SERPINA10: variants seen among roughly 807,000 people sequenced by gnomAD.
The protein encoded by SERPINA10 is serpin family A member 10.
Under a neutral mutation model 28.0 loss-of-function variants are expected in SERPINA10, and 24 were observed. The ratio of observed to expected loss-of-function variants is 0.86; its 90% CI spans 0.62 to 1.20. The LOEUF is 1.20. Ranked by LOEUF, SERPINA10 falls within the 50% of genes most tolerant of loss-of-function variation. SERPINA10 has a pLI of 0.00. For synonymous variants in SERPINA10, 207 were observed against 203.9 expected (o/e 1.02, Z -0.13); for missense variants, 521 against 537.7 (o/e 0.97, Z 0.31).
At chr14:94,292,599 T>C (rs1422267788) in intron 1 of SERPINA10, 2 of 701,492 alleles carry the variant, frequency 2.9e-6, no homozygotes, top group African/African-American at 1.8e-5. Flanking sequence ...CTCCAAATGC[T>C]GAGTCTTACC....
rs1432584691 is a variant in SERPINA10, at chr14:94,293,222, C to T, written c.-84G>A. On this transcript the variant is annotated 5_prime_UTR_variant, in exon 1 of 5. It removes an upstream start codon present in the reference 5' UTR. Coordinates refer to ENST00000261994, the MANE Select transcript of SERPINA10 (RefSeq NM_001100607.3). ...GGCCTTGGGTCCTGGAAAAGTCCTT[C>T]ATTTAGAGCAGAAACCAAAGCTTCA... The T allele has an allele frequency of 2.0e-5, 3 of 153,046 alleles. No individual in the cohort carries two copies. The highest frequency in any genetic ancestry group is 7.2e-5 in the African/African-American group (3 of 41,450). 9.5% of individuals were successfully genotyped at this position (153,046 alleles called of 1,614,324 possible).
rs932010990 is a variant in SERPINA10, at chr14:94,281,098, G to A, written c.*2867C>T. The A allele has an allele frequency of 6.6e-6, 1 of 152,180 alleles. No homozygotes were observed. 9.4% of individuals were successfully genotyped at this position (152,180 alleles called of 1,614,324 possible). ...TTCTCAGTTGTTACAGCATATATAT[G>A]TGAGAACGTGTGGTTGAGTGTGTCT... On this transcript the variant is annotated 3_prime_UTR_variant, in exon 5 of 5. Coordinates refer to ENST00000261994, the MANE Select transcript of SERPINA10 (RefSeq NM_001100607.3).
At chr14:94,288,635 G>A in intron 2 of SERPINA10, 76 bp from the exon 3 acceptor site, 1 of 1,569,964 alleles carries the variant, frequency 6.4e-7, no homozygotes, top group East Asian at 2.2e-5. Flanking sequence ...ATAATAGAGA[G>A]GGAGCCTTCT....
Position 94,280,503 on chromosome 14 carries a change from GAT to G in SERPINA10, c.*3460_*3461del, listed in dbSNP as rs1220372325. The G allele has an allele frequency of 6.6e-6, 1 of 152,182 alleles. No homozygotes were observed. Among genetic ancestry groups the G allele is most frequent in the East Asian group, 1.9e-4 (1 of 5,208 alleles). 9.4% of individuals were successfully genotyped at this position (152,182 alleles called of 1,614,324 possible). The stretch of plus-strand genomic sequence containing the variant: ...TATTAAAATTATACTCTCAAGGACA[GAT>G]ATATAGAAACAGGATAAACAGCAAA... On this transcript the variant is annotated 3_prime_UTR_variant, in exon 5 of 5. Transcript: ENST00000261994.
chr14:94,281,034 C>T lies in SERPINA10; in HGVS notation c.*2931G>A, dbSNP rs538768703. ...CTCTTCAGCTGGAGTGGAAGTTTTACAATGAAGATAGAATGAATTAGATTA... is the reference window on the plus strand; with the variant it reads ...CTCTTCAGCTGGAGTGGAAGTTTTATAATGAAGATAGAATGAATTAGATTA... On this transcript the variant is annotated 3_prime_UTR_variant, in exon 5 of 5. Transcript: ENST00000261994. The T allele has an allele frequency of 1.3e-5, 2 of 152,234 alleles. No individual in the cohort carries two copies. Among genetic ancestry groups the T allele is most frequent in the East Asian group, 3.9e-4 (2 of 5,182 alleles). 9.4% of individuals were successfully genotyped at this position (152,234 alleles called of 1,614,324 possible).
intron 1 of SERPINA10, among the ~76,000 whole-genome samples, chr14:94,291,266 G>A (rs1328177533): frequency 2.0e-5 from 3 of 152,268 alleles, no homozygotes; most frequent in Middle Eastern, 3.4e-3. Flanking sequence ...CGGGTAGCAG[G>A]AGGCCCCGCA....
chr14:94,282,128 C>G lies in SERPINA10; in HGVS notation c.*1837G>C, dbSNP rs1174713017. On this transcript the variant is annotated 3_prime_UTR_variant, in exon 5 of 5. Coordinates refer to ENST00000261994, the MANE Select transcript of SERPINA10 (RefSeq NM_001100607.3). ...GAATTTTATTTTATTAATATGCAGTCTAAATACTGACTTTTCATCAGTCCA... is the reference window on the plus strand; with the variant it reads ...GAATTTTATTTTATTAATATGCAGTGTAAATACTGACTTTTCATCAGTCCA... 6.6e-6 allele frequency: 1 copy of G among 151,648 alleles called. No individual in the cohort carries two copies. Among genetic ancestry groups the G allele is most frequent in the African/African-American group, 2.4e-5 (1 of 41,216 alleles). The allele number at this position is 151,648 out of a possible 1,614,324, so 9.4% of individuals were successfully genotyped here. A position where few individuals can be genotyped will look rare whatever the true frequency, so the allele number is the denominator to read the frequency against.
chr14:94,286,049 C>G (rs1895014937), intron 4 of SERPINA10, 59 bp downstream of exon 4: 1 of 1,598,202 alleles, frequency 6.3e-7, no homozygotes, highest in South Asian at 1.1e-5. Flanking sequence ...TTTGTAAAAG[C>G]ATTTGTTTTG....
intron 4 of SERPINA10, 63 bp from the exon 5 acceptor site, chr14:94,284,219 G>A (rs1436501521): frequency 6.9e-7 from 1 of 1,450,514 alleles, no homozygotes; most frequent in Admixed American, 1.7e-5. Context: ...AATTAAATGA[G>A]CCCCTTGAAA....
Position 94,280,469 on chromosome 14 carries a change from T to C in SERPINA10, c.*3496A>G, listed in dbSNP as rs1377349823. 3 of 152,180 alleles carry C rather than the reference T, an allele frequency of 2.0e-5. No individual in the cohort carries two copies. Among genetic ancestry groups the C allele is most frequent in the Non-Finnish European group, 4.4e-5 (3 of 68,014 alleles). 9.4% of individuals were successfully genotyped at this position (152,180 alleles called of 1,614,324 possible). A position where few individuals can be genotyped will look rare whatever the true frequency, so the allele number is the denominator to read the frequency against. ...AGAACATGACATTTCCTAAAATCTT[T>C]GAAATATTTATTAAAATTATACTCT... On this transcript the variant is annotated 3_prime_UTR_variant, in exon 5 of 5. Transcript: ENST00000261994.
chr14:94,287,474 G>T (rs559532428), intron 3 of SERPINA10, among the ~76,000 whole-genome samples: 1 of 152,064 alleles, frequency 6.6e-6, no homozygotes, highest in Non-Finnish European at 1.5e-5. Flanking sequence ...TACCACCACC[G>T]CAGTCCAGGT....
At position 94,290,570 on chromosome 14, in the gene SERPINA10, C is replaced by T; in HGVS notation, c.24G>A (p.Leu8=). The change falls in exon 2 of 5, where the codon CTG becomes CTA. Residue 8 remains leucine, a synonymous_variant. Coordinates refer to ENST00000261994, the MANE Select transcript of SERPINA10 (RefSeq NM_001100607.3). MKVVPSL[L]LSVLLAQVWL... ...ACACCTGTGCCAGGAGGACGGAGAGCAGGAGACTTGGCACCACCTTCATGT... is the reference window on the plus strand; with the variant it reads ...ACACCTGTGCCAGGAGGACGGAGAGTAGGAGACTTGGCACCACCTTCATGT... 1 of 1,613,674 alleles carries T rather than the reference C, an allele frequency of 6.2e-7. No individual in the cohort carries two copies. Among genetic ancestry groups the T allele is most frequent in the African/African-American group, 1.3e-5 (1 of 75,056 alleles).
chr14:94,293,007 C>A (rs1437437285), intron 1 of SERPINA10, 182 bp downstream of exon 1: 1 of 316,904 alleles, frequency 3.2e-6, no homozygotes. Context: ...CTATAATTCG[C>A]CTCTTACCCC....
At chr14:94,289,597 CCT>C (rs1468193169) in intron 2 of SERPINA10, among the ~76,000 whole-genome samples, 3 of 152,064 alleles carry the variant, frequency 2.0e-5, no homozygotes, top group Admixed American at 6.5e-5. Flanking sequence ...CCCCCAGCCC[CCT>C]GTTTTTTGGA....
intron 1 of SERPINA10, among the ~76,000 whole-genome samples, chr14:94,291,053 C>T (rs1895165873): frequency 6.6e-6 from 1 of 152,214 alleles, no homozygotes; most frequent in Non-Finnish European, 1.5e-5. Flanking sequence ...GGTCGTCAGG[C>T]TGCCCATCCA....
In SERPINA10 at chr14:94,283,809, A is replaced by T; in HGVS notation, c.*156T>A. ...GGGTCTTTGAATGTATCCCCCTCAG[A>T]TAAGTGGGGACTACTGTATTTATTT... On this transcript the variant is annotated 3_prime_UTR_variant, in exon 5 of 5. Coordinates refer to ENST00000261994, the MANE Select transcript of SERPINA10 (RefSeq NM_001100607.3). The T allele has an allele frequency of 2.8e-6, 2 of 709,924 alleles. No homozygotes were observed. Among genetic ancestry groups the T allele is most frequent in the South Asian group, 1.7e-5 (1 of 57,922 alleles). 44.0% of individuals were successfully genotyped at this position (709,924 alleles called of 1,614,324 possible).
chr14:94,283,416 CATT>C lies in SERPINA10; in HGVS notation c.*546_*548del, dbSNP rs1239960516. ...ACCATGGTCAACCATGGTCCAAAAA[CATT>C]AAATGAAAAATTCCAGAAATAAACA... On this transcript the variant is annotated 3_prime_UTR_variant, in exon 5 of 5. Transcript: ENST00000261994. The C allele has an allele frequency of 6.5e-6, 1 of 153,932 alleles. No homozygotes were observed. The highest frequency in any genetic ancestry group is 1.4e-5 in the Non-Finnish European group (1 of 69,236). 9.5% of individuals were successfully genotyped at this position (153,932 alleles called of 1,614,324 possible). A position where few individuals can be genotyped will look rare whatever the true frequency, so the allele number is the denominator to read the frequency against.
chr14:94,292,546 A>G (rs889461635), intron 1 of SERPINA10: 1 of 700,344 alleles, frequency 1.4e-6, no homozygotes, highest in African/African-American at 1.8e-5. Flanking sequence ...TCCCTGTACA[A>G]TGGTCAGGAA....
At position 94,285,507 on chromosome 14, in the gene SERPINA10, A is replaced by G. The variant is rs186598280; in HGVS notation, c.1143+601T>C. Among the ~76,000 whole-genome samples, 1,056 of 148,876 alleles carry G rather than the reference A, an allele frequency of 7.1e-3. 14 individuals carry two copies. The highest frequency in any genetic ancestry group is 0.017 in the South Asian group (82 of 4,734). ...TCCATATATATATATATGTGTGTGTATATATATATACACACACACATATAC... is the reference window on the plus strand; with the variant it reads ...TCCATATATATATATATGTGTGTGTGTATATATATACACACACACATATAC... On this transcript the variant is annotated intron_variant, in intron 4 of 4. Transcript: ENST00000261994.
Sources: gnomAD v4.1 joint callset for allele counts (sites outside exome capture counted in the v4.1 genomes callset) on GRCh38, gnomAD v4.1.1 for gene constraint, MANE v1.5 for transcripts, NCBI Gene and HGNC (gene_info 2026-07-23, HGNC 2026-07-21) for gene names.